Variants in RGS6 observed in about 807,000 individuals in gnomAD.
RGS6 encodes regulator of G protein signaling 6, also known as regulator of G-protein signaling 6.
RGS6 carries 30 observed loss-of-function variants against 78.5 expected under a neutral mutation model. That is an observed-to-expected ratio of 0.38 (90% CI 0.29 to 0.52). RGS6 has a LOEUF of 0.52. RGS6 is among the 20% of genes least tolerant of loss of function. The pLI is 0.85. For synonymous variants in RGS6, 206 were observed against 206.0 expected, an observed-to-expected ratio of 1.00 and a Z score of 0.00; for missense variants, 495 against 609.7, an observed-to-expected ratio of 0.81 and a Z score of 1.98.
rs186627558 is a variant in RGS6 at position 72,333,123 on chromosome 14, T to C, written c.85-18972T>C. Among the ~76,000 whole-genome samples, 270 of 152,222 alleles carry C rather than the reference T, an allele frequency of 1.8e-3. 2 individuals are homozygous for C. Among genetic ancestry groups the C allele is most frequent in the Admixed American group, 6.8e-3 (104 of 15,292 alleles). On this transcript the variant is annotated intron_variant, in intron 2 of 17. Transcript: ENST00000553525. ...CTATGGGACTCCACCCCACTGTGGGTTTCAGGGCAGGTTCCCACTCCTACC... is the reference window on the plus strand; with the variant it reads ...CTATGGGACTCCACCCCACTGTGGGCTTCAGGGCAGGTTCCCACTCCTACC...
the RGS6 span, among the ~76,000 whole-genome samples, chr14:72,579,877 A>G: frequency 2.0e-5 from 3 of 152,232 alleles, no homozygotes; most frequent in African/African-American, 7.2e-5. Context: ...GACTGGGGCC[A>G]TCAGGAAAGG....
chr14:72,236,267 G>A (rs1203556876), intron 2 of RGS6, among the ~76,000 whole-genome samples: 2 of 152,074 alleles, frequency 1.3e-5, no homozygotes, highest in African/African-American at 4.8e-5. Flanking sequence ...CTTCATCACT[G>A]GCTATCCATG....
chr14:72,154,311 G>A (rs1000415572), intron 2 of RGS6, among the ~76,000 whole-genome samples: 3 of 152,084 alleles, frequency 2.0e-5, no homozygotes, highest in African/African-American at 4.8e-5. Flanking sequence ...ATCAATTTGT[G>A]CAGTTAACAC....
chr14:72,599,575 A>ATTTTTTT, the RGS6 span, among the ~76,000 whole-genome samples: 51 of 103,100 alleles, frequency 4.9e-4, no homozygotes, highest in East Asian at 8.8e-4. Flanking sequence ...CGCCTGGCTA[A>ATTTTTTT]TTTTTTTTTT....
chr14:72,427,189 T>C (rs555945973), intron 3 of RGS6, among the ~76,000 whole-genome samples: 39 of 152,340 alleles, frequency 2.6e-4, no homozygotes, highest in African/African-American at 9.4e-4. Context: ...TATAGCACAA[T>C]AAGATATTGT....
chr14:72,231,246 T>C lies in RGS6; in HGVS notation c.85-120849T>C, dbSNP rs139129642. On this transcript the variant is annotated intron_variant, in intron 2 of 17. Transcript: ENST00000553525. Reference sequence around the variant, plus strand: ...ATGAATAATGCATGAATAATACTTATGTTGGGCACTGAACTAAGTATCACA... The same window carrying C: ...ATGAATAATGCATGAATAATACTTACGTTGGGCACTGAACTAAGTATCACA... Among the ~76,000 whole-genome samples, 483 of 152,336 alleles carry C rather than the reference T, an allele frequency of 3.2e-3. 3 individuals carry two copies. Among genetic ancestry groups the C allele is most frequent in the African/African-American group, 0.011 (456 of 41,568 alleles).
chr14:71,877,986 C>T, the RGS6 span, among the ~76,000 whole-genome samples: 1 of 152,260 alleles, frequency 6.6e-6, no homozygotes, highest in East Asian at 1.9e-4. Context: ...CCAGCAGAGG[C>T]AGCAGAACCA....
At chr14:72,007,033 A>AG (rs2084701142) in intron 2 of RGS6, among the ~76,000 whole-genome samples, 1 of 152,162 alleles carries the variant, frequency 6.6e-6, no homozygotes, top group Non-Finnish European at 1.5e-5. Context: ...GTGGCAAAAA[A>AG]AAGAAAGAAA....
In RGS6 at chr14:72,235,668, T is replaced by C. The variant is rs547133082; in HGVS notation, c.85-116427T>C. 6.4e-4 allele frequency among the ~76,000 whole-genome samples: 98 copies of C among 152,322 alleles called. 1 individual carries two copies. The highest frequency in any genetic ancestry group is 3.4e-3 in the Middle Eastern group (1 of 294). ...AAGTTGCTCAATGGTTGCTCCTTTG[T>C]AACGCCAAACCTAGGACTTGACTAT... On this transcript the variant is annotated intron_variant, in intron 2 of 17. Transcript: ENST00000553525.
chr14:72,608,086 C>T, the RGS6 span, among the ~76,000 whole-genome samples: 1 of 152,140 alleles, frequency 6.6e-6, no homozygotes, highest in South Asian at 2.1e-4. Flanking sequence ...CCAGGGAGCT[C>T]ATGTTCTAGT....
At chr14:71,879,436 T>C in the RGS6 span, among the ~76,000 whole-genome samples, 1 of 152,202 alleles carries the variant, frequency 6.6e-6, no homozygotes. Context: ...GAATATTAAA[T>C]GACAGGTGCT....
intron 9 of RGS6, chr14:72,474,059 C>T (rs940858508): frequency 6.6e-6 from 1 of 152,172 alleles, no homozygotes; most frequent in Non-Finnish European, 1.5e-5. Flanking sequence ...CAGTGGGAAA[C>T]ACACATATCA....
intron 13 of RGS6, among the ~76,000 whole-genome samples, chr14:72,495,480 A>G (rs1165910370): frequency 1.3e-5 from 2 of 152,146 alleles, no homozygotes; most frequent in Non-Finnish European, 2.9e-5. Flanking sequence ...CCCTTTGGAT[A>G]CCATGATAAC....
intron 2 of RGS6, among the ~76,000 whole-genome samples, chr14:72,227,441 T>C (rs1303564061): frequency 6.6e-6 from 1 of 152,158 alleles, no homozygotes; most frequent in Non-Finnish European, 1.5e-5. Flanking sequence ...TCTGGAGACA[T>C]CTAAATTAAG....
chr14:72,241,218 A>G (rs1351780468), intron 2 of RGS6, among the ~76,000 whole-genome samples: 1 of 152,052 alleles, frequency 6.6e-6, no homozygotes, highest in Non-Finnish European at 1.5e-5. Context: ...GAAGGAAAAG[A>G]AAAAAAGCCT....
At chr14:72,418,255 C>G (rs1200803182) in intron 3 of RGS6, among the ~76,000 whole-genome samples, 1 of 152,020 alleles carries the variant, frequency 6.6e-6, no homozygotes, top group Non-Finnish European at 1.5e-5. Context: ...CAACCTCCAC[C>G]TCCCGGGTTC....
intron 2 of RGS6, among the ~76,000 whole-genome samples, chr14:71,980,357 C>G (rs1472316609): frequency 2.7e-5 from 4 of 149,906 alleles, no homozygotes; most frequent in African/African-American, 4.9e-5. Context: ...TTCCTAGTCT[C>G]GATGGTCTTT....
intron 2 of RGS6, among the ~76,000 whole-genome samples, chr14:72,012,350 C>G (rs1219544326): frequency 6.6e-6 from 1 of 152,174 alleles, no homozygotes; most frequent in Non-Finnish European, 1.5e-5. Context: ...AAGGAAAGAT[C>G]ATGATGTATT....
At chr14:72,077,667 T>G (rs2094633255) in intron 2 of RGS6, among the ~76,000 whole-genome samples, 1 of 152,230 alleles carries the variant, frequency 6.6e-6, no homozygotes, top group Non-Finnish European at 1.5e-5. Flanking sequence ...TCTTGACTAC[T>G]GCAGGCAACA....
Sources: gnomAD v4.1 joint callset for allele counts (sites outside exome capture counted in the v4.1 genomes callset) on GRCh38, gnomAD v4.1.1 for gene constraint, MANE v1.5 for transcripts, NCBI Gene and HGNC (gene_info 2026-07-23, HGNC 2026-07-21) for gene names.